The following ZMIZ1 variants were observed in gnomAD, a reference collection of about 807,000 sequenced individuals.
ZMIZ1 encodes zinc finger MIZ-type containing 1, also known as zinc finger MIZ domain-containing protein 1.
A neutral mutation model predicts 113.9 loss-of-function variants in ZMIZ1; 17 were observed. That is an observed-to-expected ratio of 0.15 (90% CI 0.10 to 0.22). The LOEUF is 0.22. Among genes scored for constraint, ZMIZ1 ranks in the 10% least tolerant of loss-of-function variants. The pLI, the probability that ZMIZ1 is intolerant of heterozygous loss-of-function variation, is 1.00. For missense variants in ZMIZ1, 1,059 were observed against 1,477.8 expected, an observed-to-expected ratio of 0.72 and a Z score of 4.65; for synonymous variants, 607 against 603.1, an observed-to-expected ratio of 1.01 and a Z score of -0.09.
chr10:79,294,821 T>G (rs992474367), intron 12 of ZMIZ1: 1 of 152,146 alleles, frequency 6.6e-6, no homozygotes, highest in Non-Finnish European at 1.5e-5. Context: ...CACAGCGGCT[T>G]TAGATTCCAA....
In ZMIZ1 at chr10:79,222,457, C is replaced by G. The variant is rs532251458; in HGVS notation, c.280+6183C>G. Among the ~76,000 whole-genome samples, 4 of 152,324 alleles carry G rather than the reference C, an allele frequency of 2.6e-5. No homozygotes were observed. The South Asian group carries it at 6.2e-4, about 24-fold the overall frequency. ...CCTCTGTTCAAGGACACCCTCCCATCTCAACGCAGCAGCCCGAGTCCTGGG... is the reference window on the plus strand; with the variant it reads ...CCTCTGTTCAAGGACACCCTCCCATGTCAACGCAGCAGCCCGAGTCCTGGG... On this transcript the variant is annotated intron_variant, in intron 7 of 24. Coordinates refer to ENST00000334512, the MANE Select transcript of ZMIZ1 (RefSeq NM_020338.4).
At chr10:79,077,248 A>C (rs1000385898) in intron 1 of ZMIZ1, among the ~76,000 whole-genome samples, 1 of 152,208 alleles carries the variant, frequency 6.6e-6, no homozygotes, top group Admixed American at 6.5e-5. Flanking sequence ...CGCCGCTGGG[A>C]AGCACAGTGC....
chr10:79,166,181 G>A (rs1270093959), intron 4 of ZMIZ1, among the ~76,000 whole-genome samples: 2 of 152,198 alleles, frequency 1.3e-5, no homozygotes, highest in South Asian at 2.1e-4. Flanking sequence ...CGTATCCCAG[G>A]GTCCCTGCAC....
chr10:79,290,030 A>G, intron 9 of ZMIZ1, 141 bp downstream of exon 9: 1 of 817,892 alleles, frequency 1.2e-6, no homozygotes, highest in Non-Finnish European at 1.9e-6. Context: ...CCAGCTGTGG[A>G]CACGTCTCCA....
intron 17 of ZMIZ1, among the ~76,000 whole-genome samples, chr10:79,301,826 G>C (rs143084396): frequency 6.9e-4 from 105 of 152,296 alleles, no homozygotes; most frequent in Non-Finnish European, 1.4e-3. Flanking sequence ...GGGAGGCAGT[G>C]GTAGGGGAGG....
chr10:79,137,834 G>T (rs886804617), intron 2 of ZMIZ1, among the ~76,000 whole-genome samples: 3 of 151,954 alleles, frequency 2.0e-5, no homozygotes, highest in Non-Finnish European at 4.4e-5. Flanking sequence ...GCTGGGGGGG[G>T]GGTGCTCCTA....
chr10:79,174,613 ATCCCCTT>A (rs1190523082), intron 4 of ZMIZ1, among the ~76,000 whole-genome samples: 1 of 152,228 alleles, frequency 6.6e-6, no homozygotes, highest in Non-Finnish European at 1.5e-5. Flanking sequence ...CATGTTGGGA[ATCCCCTT>A]TGTAGCTGAG....
intron 7 of ZMIZ1, among the ~76,000 whole-genome samples, chr10:79,257,912 A>C (rs1851022234): frequency 6.6e-6 from 1 of 152,254 alleles, no homozygotes; most frequent in African/African-American, 2.4e-5. Context: ...CCCAGAGGGA[A>C]GGGACCTCGC....
At chr10:79,220,858 CTGCATGGCTGT>C (rs1848935874) in intron 7 of ZMIZ1, among the ~76,000 whole-genome samples, 1 of 148,834 alleles carries the variant, frequency 6.7e-6, no homozygotes, top group Admixed American at 6.7e-5. Context: ...CTGTGTATGT[CTGCATGGCTGT>C]GCACATGTGT....
At chr10:79,213,871 C>T (rs1848619085) in intron 6 of ZMIZ1, among the ~76,000 whole-genome samples, 1 of 152,182 alleles carries the variant, frequency 6.6e-6, no homozygotes, top group South Asian at 2.1e-4. Flanking sequence ...ATACCTATCT[C>T]GTGGAGCTGC....
At chr10:79,105,666 A>G (rs1409319478) in intron 1 of ZMIZ1, among the ~76,000 whole-genome samples, 4 of 152,240 alleles carry the variant, frequency 2.6e-5, no homozygotes, top group Non-Finnish European at 4.4e-5. Context: ...GCAGCAAAAC[A>G]GTGCCATTGT....
intron 5 of ZMIZ1, 40 bp downstream of exon 5, chr10:79,201,732 T>G (rs750575759): frequency 1.2e-6 from 2 of 1,603,152 alleles, no homozygotes; most frequent in Non-Finnish European, 1.7e-6. Flanking sequence ...GCGGGGCAGA[T>G]GGGGCGGGCT....
chr10:79,193,504 C>G (rs1439808909), intron 4 of ZMIZ1, among the ~76,000 whole-genome samples: 1 of 152,160 alleles, frequency 6.6e-6, no homozygotes, highest in African/African-American at 2.4e-5. Context: ...CTCATGTACA[C>G]CCAGCAATGG....
intron 4 of ZMIZ1, among the ~76,000 whole-genome samples, chr10:79,178,713 C>A (rs1449150508): frequency 3.3e-5 from 5 of 152,204 alleles, no homozygotes; most frequent in Non-Finnish European, 4.4e-5. Context: ...ATGCTTCCTT[C>A]CCTCCTGCTC....
intron 7 of ZMIZ1, among the ~76,000 whole-genome samples, chr10:79,225,064 G>A (rs1446105147): frequency 3.9e-5 from 6 of 152,204 alleles, no homozygotes; most frequent in Non-Finnish European, 5.9e-5. Context: ...GCTTGAGGTC[G>A]GGGAGCAGGT....
intron 7 of ZMIZ1, among the ~76,000 whole-genome samples, chr10:79,246,300 G>T (rs545137156): frequency 6.6e-6 from 1 of 152,382 alleles, no homozygotes; most frequent in Admixed American, 6.5e-5. Context: ...CAGTCTTGGT[G>T]CCAGTAGGCG....
In ZMIZ1 at chr10:79,312,699, C is replaced by T. The variant is rs878903985; in HGVS notation, c.3154C>T (p.Leu1052=). The T allele has an allele frequency of 1.9e-6, 3 of 1,614,254 alleles. No individual in the cohort carries two copies. The highest frequency in any genetic ancestry group is 2.2e-5 in the East Asian group (1 of 44,886). ...ELLSYLDPPD[L]PSNSNDDLLS... Reference sequence around the variant, plus strand: ...CCTGTCTTATCTGGACCCCCCCGACCTGCCGAGCAATAGTAACGATGACCT... The same window carrying T: ...CCTGTCTTATCTGGACCCCCCCGACTTGCCGAGCAATAGTAACGATGACCT... The change falls in exon 25 of 25, where the codon CTG becomes TTG. Residue 1052 remains leucine (L), a synonymous_variant. Transcript: ENST00000334512.
chr10:79,211,082 G>C (rs1420444259), intron 6 of ZMIZ1, among the ~76,000 whole-genome samples: 2 of 152,184 alleles, frequency 1.3e-5, no homozygotes, highest in Admixed American at 1.3e-4. Flanking sequence ...GAGCTCAGTA[G>C]AGCCAGCAGC....
chr10:79,197,094 G>A (rs911481512), intron 4 of ZMIZ1, among the ~76,000 whole-genome samples: 1 of 152,262 alleles, frequency 6.6e-6, no homozygotes, highest in Non-Finnish European at 1.5e-5. Context: ...GCAGTGGCCT[G>A]CCGACAGCAG....
Sources: gnomAD v4.1 joint callset for allele counts (sites outside exome capture counted in the v4.1 genomes callset) on GRCh38, gnomAD v4.1.1 for gene constraint, MANE v1.5 for transcripts, NCBI Gene and HGNC (gene_info 2026-07-23, HGNC 2026-07-21) for gene names.